AGBL1: variants seen among roughly 807,000 people sequenced by gnomAD.
AGBL1 encodes AGBL carboxypeptidase 1.
Under a neutral mutation model 118.9 loss-of-function variants are expected in AGBL1, and 130 were observed. The observed-to-expected ratio is 1.09, with a 90% confidence interval of 0.95 to 1.26. The LOEUF is 1.26. Among genes scored for constraint, AGBL1 ranks in the 50% most tolerant of loss-of-function variants. The pLI, the probability that AGBL1 is intolerant of heterozygous loss-of-function variation, is 0.00. For synonymous variants in AGBL1, 555 were observed against 478.9 expected (o/e 1.16, Z -2.08); for missense variants, 1,584 against 1,298.1 (o/e 1.22, Z -3.38).
chr15:86,171,687 A>G (rs557487472), intron 5 of AGBL1, among the ~76,000 whole-genome samples: 3 of 152,226 alleles, frequency 2.0e-5, no homozygotes, highest in African/African-American at 7.2e-5. Context: ...AATGTTGCAT[A>G]CTCTATGTAA....
intron 24 of AGBL1, chr15:87,028,789 A>G (rs778091921): frequency 1.9e-6 from 3 of 1,593,548 alleles, no homozygotes; most frequent in Non-Finnish European, 2.6e-6. Context: ...CACGGCTTCA[A>G]GCATAGTAAT....
intron 22 of AGBL1, among the ~76,000 whole-genome samples, chr15:86,733,454 A>C (rs1189269427): frequency 6.6e-6 from 1 of 152,192 alleles, no homozygotes; most frequent in East Asian, 1.9e-4. Flanking sequence ...ATAATGCTTT[A>C]CCAGCTATCT....
intron 22 of AGBL1, among the ~76,000 whole-genome samples, chr15:86,694,125 T>C (rs1313760833): frequency 6.6e-6 from 1 of 152,126 alleles, no homozygotes; most frequent in African/African-American, 2.4e-5. Flanking sequence ...TTTCTAGTTC[T>C]GTGAAGAATG....
chr15:86,096,507 A>C (rs1452671497), intron 1 of AGBL1, among the ~76,000 whole-genome samples: 1 of 152,180 alleles, frequency 6.6e-6, no homozygotes, highest in Non-Finnish European at 1.5e-5. Context: ...TGGATTAGGC[A>C]GTCTTTTGGG....
chr15:86,460,442 G>A (rs2142084254), intron 18 of AGBL1, among the ~76,000 whole-genome samples: 1 of 151,342 alleles, frequency 6.6e-6, no homozygotes, highest in African/African-American at 2.4e-5. Flanking sequence ...GTTGCAGTGA[G>A]CAATGACTGA....
intron 18 of AGBL1, among the ~76,000 whole-genome samples, chr15:86,442,049 G>T (rs1359470114): frequency 1.3e-5 from 2 of 152,206 alleles, no homozygotes; most frequent in Non-Finnish European, 2.9e-5. Flanking sequence ...ATACCCTCAG[G>T]AACTGAGAAG....
chr15:86,993,069 C>T (rs1313836533), intron 24 of AGBL1, among the ~76,000 whole-genome samples: 2 of 151,890 alleles, frequency 1.3e-5, no homozygotes, highest in Non-Finnish European at 2.9e-5. Context: ...TTTTATTATC[C>T]TAAAATAAAA....
chr15:86,173,298 T>C (rs556575813), intron 5 of AGBL1: 1 of 152,294 alleles, frequency 6.6e-6, no homozygotes, highest in Admixed American at 6.5e-5. Flanking sequence ...TGGAATTATA[T>C]GTTTTCTTGC....
chr15:86,148,988 AAAG>A (rs2077069784), intron 3 of AGBL1, among the ~76,000 whole-genome samples: 1 of 152,230 alleles, frequency 6.6e-6, no homozygotes, highest in Non-Finnish European at 1.5e-5. Flanking sequence ...TTCTTAAAGA[AAAG>A]AATTTTCAAC....
chr15:86,800,328 A>T (rs896031597), intron 22 of AGBL1, among the ~76,000 whole-genome samples: 17 of 152,134 alleles, frequency 1.1e-4, no homozygotes, highest in Admixed American at 1.1e-3. Flanking sequence ...TGACTAATTT[A>T]TATTAGGATA....
intron 16 of AGBL1, among the ~76,000 whole-genome samples, chr15:86,284,009 T>C (rs187110735): frequency 1.3e-5 from 2 of 152,132 alleles, no homozygotes; most frequent in African/African-American, 4.8e-5. Flanking sequence ...AGTGACTACA[T>C]AGGCTATTTC....
Position 86,939,951 on chromosome 15 carries a change from G to A in AGBL1, c.3222-48036G>A, listed in dbSNP as rs1300906205. Among the ~76,000 whole-genome samples, 12 of 148,124 alleles carry A rather than the reference G, an allele frequency of 8.1e-5. No individual in the cohort carries two copies. The Admixed American group carries it at 8.1e-4, about 10-fold the overall frequency. ...CACTGGCCCAGGTGGAACCATTATT[G>A]ATTCACCACAGCCTTGACCTCCCAG... On this transcript the variant is annotated intron_variant, in intron 23 of 24. Coordinates refer to the AGBL1 transcript ENST00000441037.
chr15:86,421,105 G>A (rs1258441279), intron 18 of AGBL1, among the ~76,000 whole-genome samples: 3 of 152,126 alleles, frequency 2.0e-5, no homozygotes, highest in Non-Finnish European at 2.9e-5. Context: ...AGGAAATACA[G>A]TGAACAATAC....
At chr15:86,548,233 T>A (rs942052858) in intron 20 of AGBL1, among the ~76,000 whole-genome samples, 1 of 152,154 alleles carries the variant, frequency 6.6e-6, no homozygotes, top group Admixed American at 6.6e-5. Flanking sequence ...CCATCAAAAG[T>A]GGAACAATTC....
chr15:86,224,029 T>G (rs1009404050), intron 5 of AGBL1, among the ~76,000 whole-genome samples: 2 of 152,164 alleles, frequency 1.3e-5, no homozygotes, highest in Non-Finnish European at 2.9e-5. Flanking sequence ...GTCTTGGAAG[T>G]GTGATCTAGC....
intron 17 of AGBL1, among the ~76,000 whole-genome samples, chr15:86,371,445 T>C (rs901477884): frequency 1.3e-5 from 2 of 152,326 alleles, no homozygotes; most frequent in African/African-American, 4.8e-5. Flanking sequence ...GCCTGTCCTC[T>C]GCATGTACTT....
chr15:86,633,815 TATGTATATATATATA>T, intron 21 of AGBL1, among the ~76,000 whole-genome samples: 3 of 4,972 alleles, frequency 6.0e-4, no homozygotes, highest in African/African-American at 1.5e-3. Flanking sequence ...ATATATAATG[TATGTATATATATATA>T]ATGTATATAT....
chr15:86,144,479 G>A (rs1006806946), intron 3 of AGBL1, among the ~76,000 whole-genome samples: 9 of 152,188 alleles, frequency 5.9e-5, no homozygotes, highest in East Asian at 5.8e-4. Flanking sequence ...ATACTATACA[G>A]CCATAAAAAA....
intron 5 of AGBL1, among the ~76,000 whole-genome samples, chr15:86,183,760 T>C (rs1375627258): frequency 6.6e-6 from 1 of 152,064 alleles, no homozygotes. Context: ...GCCAAATGAA[T>C]CCCCCAAAAA....
Sources: allele counts gnomAD v4.1 joint callset (sites outside exome capture counted in the v4.1 genomes callset), GRCh38; gene constraint gnomAD v4.1.1; transcripts MANE v1.5; gene names NCBI Gene and HGNC (gene_info 2026-07-23, HGNC 2026-07-21).